The following UBA2 variants were observed in gnomAD, a reference collection of about 807,000 sequenced individuals.
UBA2 encodes the protein ubiquitin like modifier activating enzyme 2.
UBA2 carries 11 observed loss-of-function variants against 77.2 expected under a neutral mutation model. The observed-to-expected ratio is 0.14, with a 90% CI of 0.09 to 0.24. The LOEUF (loss-of-function observed/expected upper bound fraction) is 0.24, where lower values mean the gene tolerates loss of function less well. Among genes scored for constraint, UBA2 ranks in the 10% least tolerant of loss-of-function variants. The pLI, the probability that UBA2 is intolerant of heterozygous loss-of-function variation, is 1.00. For synonymous variants in UBA2, 278 were observed against 276.7 expected (o/e 1.00, Z -0.05); for missense variants, 487 against 781.7 (o/e 0.62, Z 4.50).
chr19:34,440,516 GT>G (rs1376791866), intron 6 of UBA2, among the ~76,000 whole-genome samples: 1 of 152,116 alleles, frequency 6.6e-6, no homozygotes, highest in Non-Finnish European at 1.5e-5. Context: ...CTTAGCTTGT[GT>G]TATTAGGCTA....
chr19:34,466,802 A>G, intron 15 of UBA2, 76 bp from the exon 16 acceptor site: 1 of 1,373,104 alleles, frequency 7.3e-7, no homozygotes, highest in South Asian at 1.2e-5. Context: ...GTATGCTTTG[A>G]GGAACAACAG....
At chr19:34,428,676 G>A in intron 1 of UBA2, 106 bp downstream of exon 1, 1 of 1,220,002 alleles carries the variant, frequency 8.2e-7, no homozygotes, top group Non-Finnish European at 1.0e-6. Context: ...CGGAGCCCGG[G>A]ACCGGAGTTG....
rs114182112 is a variant in UBA2 at position 34,459,477 on chromosome 19, T to C, written c.1401+553T>C. Among the ~76,000 whole-genome samples the C allele has an allele frequency of 5.0e-3, 755 of 152,236 alleles. 4 individuals are homozygous for C. The highest frequency in any genetic ancestry group is 0.017 in the African/African-American group (692 of 41,540). On this transcript the variant is annotated intron_variant, in intron 13 of 16. Transcript: ENST00000246548. ...TTGAGGCTAAGTGGTGGTACACACT[T>C]ATCTAATATGACCTGATTCTGATAT...
At chr19:34,454,586 A>G (rs1599921575) in intron 12 of UBA2, 30 bp downstream of exon 12, 2 of 1,101,944 alleles carry the variant, frequency 1.8e-6, no homozygotes, top group East Asian at 2.6e-5. Context: ...TTTTTATGCA[A>G]CCCCCCTTAA....
chr19:34,429,424 C>T (rs1463689135), intron 1 of UBA2, among the ~76,000 whole-genome samples: 1 of 152,246 alleles, frequency 6.6e-6, no homozygotes, highest in East Asian at 1.9e-4. Flanking sequence ...GTACGGGTGG[C>T]CGACTGAGTC....
At chr19:34,444,736 G>C (rs527886125) in intron 7 of UBA2, among the ~76,000 whole-genome samples, 7 of 152,070 alleles carry the variant, frequency 4.6e-5, no homozygotes, top group Non-Finnish European at 7.4e-5. Flanking sequence ...GAGCCCAAGA[G>C]GTAGAAGCTA....
chr19:34,450,903 C>T (rs951070566), intron 9 of UBA2, among the ~76,000 whole-genome samples: 1 of 151,642 alleles, frequency 6.6e-6, no homozygotes, highest in African/African-American at 2.4e-5. Context: ...CTGCGCCTAG[C>T]CTATTTATGT....
At chr19:34,435,192 G>A (rs1245964057) in intron 5 of UBA2, among the ~76,000 whole-genome samples, 1 of 152,178 alleles carries the variant, frequency 6.6e-6, no homozygotes, top group East Asian at 1.9e-4. Context: ...GAGGTCAGGA[G>A]TTTGAGACCA....
intron 5 of UBA2, among the ~76,000 whole-genome samples, chr19:34,436,244 T>C (rs2075307184): frequency 6.6e-6 from 1 of 152,160 alleles, no homozygotes; most frequent in Non-Finnish European, 1.5e-5. Context: ...AACTAGAGAA[T>C]AATAGAACAA....
chr19:34,445,145 C>A, intron 8 of UBA2, 24 bp downstream of exon 8: 1 of 1,601,612 alleles, frequency 6.2e-7, no homozygotes. Context: ...TTTTTATAAT[C>A]ATGGATAGAT....
chr19:34,444,495 T>C (rs919306573), intron 7 of UBA2, among the ~76,000 whole-genome samples: 4 of 152,152 alleles, frequency 2.6e-5, no homozygotes, highest in Admixed American at 6.6e-5. Flanking sequence ...AACTGTTATA[T>C]GTGTAGCTTT....
chr19:34,432,326 C>T (rs1003992530), intron 3 of UBA2, among the ~76,000 whole-genome samples: 6 of 152,072 alleles, frequency 3.9e-5, no homozygotes, highest in Non-Finnish European at 7.4e-5. Context: ...TAATATAACA[C>T]TTGGAATTGT....
intron 3 of UBA2, 38 bp downstream of exon 3, chr19:34,431,969 GT>G: frequency 4.4e-6 from 1 of 227,004 alleles, no homozygotes; most frequent in Non-Finnish European, 7.1e-6. Flanking sequence ...TTGTATAAGG[GT>G]TTTGTAAGCC....
intron 8 of UBA2, 37 bp downstream of exon 8, chr19:34,445,158 ATTG>A (rs767700828): frequency 3.8e-6 from 6 of 1,579,672 alleles, no homozygotes. Context: ...GGATAGATGT[ATTG>A]TTGTGCATAG....
chr19:34,441,813 C>T (rs1409370405), intron 6 of UBA2, among the ~76,000 whole-genome samples: 6 of 151,052 alleles, frequency 4.0e-5, no homozygotes, highest in South Asian at 2.1e-4. Context: ...CCCACCTACT[C>T]GGGAGGCTGA....
At chr19:34,435,429 T>C (rs1228640108) in intron 5 of UBA2, among the ~76,000 whole-genome samples, 1 of 152,122 alleles carries the variant, frequency 6.6e-6, no homozygotes, top group Non-Finnish European at 1.5e-5. Context: ...ATAAACGTGC[T>C]CAAAAGACTA....
chr19:34,446,041 G>A (rs1348022564), intron 8 of UBA2, among the ~76,000 whole-genome samples: 3 of 151,170 alleles, frequency 2.0e-5, no homozygotes, highest in Non-Finnish European at 4.4e-5. Flanking sequence ...CCTTTTTGTG[G>A]AGAATGGGGT....
At chr19:34,463,647 C>T (rs1198721276) in intron 14 of UBA2, among the ~76,000 whole-genome samples, 1 of 152,076 alleles carries the variant, frequency 6.6e-6, no homozygotes, top group Non-Finnish European at 1.5e-5. Flanking sequence ...TGTTGCCTAG[C>T]AGGCTGGAGT....
chr19:34,450,535 A>G (rs1568376994), intron 9 of UBA2, among the ~76,000 whole-genome samples, 171 bp downstream of exon 9: 2 of 152,152 alleles, frequency 1.3e-5, no homozygotes, highest in South Asian at 4.1e-4. Context: ...AATAGCCACT[A>G]ATAACATTTT....
Sources: gnomAD v4.1 joint callset for allele counts (sites outside exome capture counted in the v4.1 genomes callset) on GRCh38, gnomAD v4.1.1 for gene constraint, MANE v1.5 for transcripts, NCBI Gene and HGNC (gene_info 2026-07-23, HGNC 2026-07-21) for gene names.